The following FAF2 variants were observed in gnomAD, a reference collection of about 807,000 sequenced individuals.
The protein encoded by FAF2 is Fas associated factor family member 2.
FAF2 carries 9 observed loss-of-function variants against 62.3 expected under a neutral mutation model. The ratio of observed to expected loss-of-function variants is 0.14; its 90% confidence interval spans 0.09 to 0.25. The LOEUF (loss-of-function observed/expected upper bound fraction) is 0.25. Ranked by LOEUF, FAF2 falls within the 10% of genes least tolerant of loss-of-function variation. The probability of loss-of-function intolerance (pLI) is 1.00; values close to 1 mark genes in which losing one functional copy is unlikely to be tolerated. For synonymous variants in FAF2, 202 were observed against 198.0 expected, an observed-to-expected ratio of 1.02 and a Z score of -0.17; for missense variants, 368 against 556.2, an observed-to-expected ratio of 0.66 and a Z score of 3.40.
chr5:176,468,311 G>A (rs1009389249), intron 1 of FAF2, among the ~76,000 whole-genome samples: 2 of 152,132 alleles, frequency 1.3e-5, no homozygotes, highest in East Asian at 1.9e-4. Context: ...GAGGCTGGGC[G>A]CAGTGGCTCA....
At chr5:176,470,814 A>G (rs926947835) in intron 1 of FAF2, among the ~76,000 whole-genome samples, 1 of 152,226 alleles carries the variant, frequency 6.6e-6, no homozygotes. Flanking sequence ...GGTAGTTCTC[A>G]CACAATGCAT....
chr5:176,481,060 T>C (rs1758776771), intron 2 of FAF2, among the ~76,000 whole-genome samples: 1 of 152,144 alleles, frequency 6.6e-6, no homozygotes, highest in Non-Finnish European at 1.5e-5. Flanking sequence ...ATTTTTATTT[T>C]TTTGAGATGG....
intron 1 of FAF2, among the ~76,000 whole-genome samples, chr5:176,467,227 G>T (rs1267265706): frequency 1.4e-5 from 2 of 147,776 alleles, no homozygotes; most frequent in Non-Finnish European, 3.0e-5. Context: ...GGCCCTGAAA[G>T]ATTAGAGAGA....
intron 3 of FAF2, 88 bp from the exon 4 acceptor site, chr5:176,488,863 C>T (rs1758921080): frequency 9.3e-7 from 1 of 1,071,350 alleles, no homozygotes; most frequent in Middle Eastern, 2.0e-4. Context: ...ATGGAAGGAC[C>T]AAAAAGAGTG....
In FAF2 at chr5:176,500,089, C is replaced by T. The variant is rs1755568968; in HGVS notation, c.1098C>T (p.Phe366=). The change falls in exon 10 of 11, where the codon TTC becomes TTT. Residue 366 remains phenylalanine (F), a synonymous_variant. Coordinates refer to ENST00000261942, the MANE Select transcript of FAF2 (RefSeq NM_014613.3). ...ACCCTGAAAGTGTCAAGATCATCTTCAAATTACCTAATGATTCTCGAGTAG... is the reference window on the plus strand; with the variant it reads ...ACCCTGAAAGTGTCAAGATCATCTTTAAATTACCTAATGATTCTCGAGTAG... ...PDDPESVKII[F]KLPNDSRVER... 5 of 1,614,030 alleles carry T rather than the reference C, an allele frequency of 3.1e-6. No homozygotes were observed. The highest frequency in any genetic ancestry group is 4.2e-6 in the Non-Finnish European group (5 of 1,179,998).
At chr5:176,505,342 C>G (rs1013553030) in intron 10 of FAF2, among the ~76,000 whole-genome samples, 4 of 152,206 alleles carry the variant, frequency 2.6e-5, no homozygotes, top group African/African-American at 9.6e-5. Flanking sequence ...GCATCCTGGA[C>G]TCTCCTAATA....
rs538934096 is a variant in FAF2 at position 176,494,866 on chromosome 5, G to A, written c.661+591G>A. Among the ~76,000 whole-genome samples the A allele has an allele frequency of 4.6e-5, 7 of 152,246 alleles. No homozygotes were observed. Among genetic ancestry groups the A allele is most frequent in the Admixed American group, 2.0e-4 (3 of 15,302 alleles). The stretch of plus-strand genomic sequence containing the variant: ...CCCGCCATAATTAGCAAGTTGTAGC[G>A]TACAGTCGGGTCTGCCAGATTCTAA... On this transcript the variant is annotated intron_variant, in intron 7 of 10. Transcript: ENST00000261942. The surrounding 1 kb of genome is among the most constrained non-coding windows in gnomAD (Gnocchi z 4.0).
Position 176,494,955 on chromosome 5 carries a change from C to T in FAF2, c.661+680C>T, listed in dbSNP as rs2113743155. The stretch of plus-strand genomic sequence containing the variant: ...CATTCATAGAAATACCCAGTCTTGG[C>T]TAGCAGCTTGCTTTTAATCTTAATG... On this transcript the variant is annotated intron_variant, in intron 7 of 10. Transcript: ENST00000261942. This position sits in a 1 kb window ranked among gnomAD's most constrained non-coding sequence, Gnocchi z 4.0. 6.6e-6 allele frequency among the ~76,000 whole-genome samples: 1 copy of T among 152,320 alleles called. No homozygotes were observed. Among genetic ancestry groups the T allele is most frequent in the Non-Finnish European group, 1.5e-5 (1 of 68,034 alleles).
chr5:176,448,789 C>G (rs1454327368), intron 1 of FAF2, among the ~76,000 whole-genome samples: 1 of 152,206 alleles, frequency 6.6e-6, no homozygotes, highest in Non-Finnish European at 1.5e-5. Context: ...CCCTCTCCGC[C>G]CAACGAGTCT....
intron 2 of FAF2, among the ~76,000 whole-genome samples, chr5:176,482,168 G>A (rs1408350883): frequency 6.6e-6 from 1 of 150,564 alleles, no homozygotes; most frequent in East Asian, 1.9e-4. Flanking sequence ...GTCTATTCAA[G>A]TCCTTTGCCA....
intron 1 of FAF2, among the ~76,000 whole-genome samples, chr5:176,465,072 G>A (rs1003479307): frequency 6.6e-6 from 1 of 152,220 alleles, no homozygotes; most frequent in East Asian, 1.9e-4. Context: ...TGTATTTTTA[G>A]TAGAGACAGG....
chr5:176,459,056 A>T (rs1417552302), intron 1 of FAF2, among the ~76,000 whole-genome samples: 2 of 152,132 alleles, frequency 1.3e-5, no homozygotes, highest in African/African-American at 4.8e-5. Flanking sequence ...GGGGGGTTCA[A>T]ACTGATTTCT....
intron 1 of FAF2, among the ~76,000 whole-genome samples, chr5:176,458,968 T>A (rs1002857021): frequency 6.6e-6 from 1 of 152,196 alleles, no homozygotes; most frequent in Non-Finnish European, 1.5e-5. Flanking sequence ...TTGAAGGACT[T>A]AAGGATTTGT....
intron 1 of FAF2, among the ~76,000 whole-genome samples, chr5:176,464,607 A>G (rs1018387153): frequency 6.6e-6 from 1 of 150,478 alleles, no homozygotes; most frequent in Non-Finnish European, 1.5e-5. Flanking sequence ...ACCCTCCCAC[A>G]TCAGCCTCCC....
At chr5:176,500,737 G>A (rs1262415458) in intron 10 of FAF2, among the ~76,000 whole-genome samples, 1 of 152,134 alleles carries the variant, frequency 6.6e-6, no homozygotes, top group Non-Finnish European at 1.5e-5. Flanking sequence ...CACAGCATGA[G>A]GATCAAATTT....
intron 3 of FAF2, 138 bp from the exon 4 acceptor site, chr5:176,488,813 G>A (rs909330381): frequency 3.0e-6 from 2 of 657,202 alleles, no homozygotes; most frequent in African/African-American, 1.8e-5. Flanking sequence ...AGGATGAGGT[G>A]GCCAGGAAGA....
intron 1 of FAF2, among the ~76,000 whole-genome samples, chr5:176,457,835 A>G (rs1758303437): frequency 6.6e-6 from 1 of 152,182 alleles, no homozygotes; most frequent in Non-Finnish European, 1.5e-5. Flanking sequence ...AATTTTTCAT[A>G]CTAAATACTG....
intron 2 of FAF2, among the ~76,000 whole-genome samples, chr5:176,482,706 G>A (rs991814184): frequency 3.3e-5 from 5 of 152,064 alleles, no homozygotes; most frequent in African/African-American, 1.2e-4. Flanking sequence ...TGTACAGATG[G>A]GGTCTCGCTG....
intron 1 of FAF2, among the ~76,000 whole-genome samples, chr5:176,475,914 T>C (rs533642086): frequency 6.6e-6 from 1 of 152,306 alleles, no homozygotes; most frequent in East Asian, 1.9e-4. Context: ...TACAAATTTG[T>C]AATGTTTTAA....
Sources: gnomAD v4.1 joint callset for allele counts (sites outside exome capture counted in the v4.1 genomes callset) on GRCh38, gnomAD v4.1.1 for gene constraint, Gnocchi (gnomAD v3.1) non-coding constraint, MANE v1.5 for transcripts, NCBI Gene and HGNC (gene_info 2026-07-23, HGNC 2026-07-21) for gene names.